IQSEC1: variants seen among roughly 807,000 people sequenced by gnomAD.
IQSEC1 encodes IQ motif and Sec7 domain ArfGEF 1.
Under a neutral mutation model 91.0 loss-of-function variants are expected in IQSEC1, and 31 were observed. The ratio of observed to expected loss-of-function variants is 0.34; its 90% CI spans 0.26 to 0.46. The LOEUF (loss-of-function observed/expected upper bound fraction) is 0.46, where lower values mean the gene tolerates loss of function less well. Among genes scored for constraint, IQSEC1 ranks in the 20% least tolerant of loss-of-function variants. The pLI is 1.00. For missense variants in IQSEC1, 1,388 were observed against 1,575.6 expected (o/e 0.88, Z 2.02); for synonymous variants, 699 against 662.6 (o/e 1.05, Z -0.84).
At chr3:13,245,226 T>C (rs6782291) in intron 1 of IQSEC1, among the ~76,000 whole-genome samples, 3,933 of 152,146 alleles carry the variant, frequency 0.026, 105 homozygotes, top group Middle Eastern at 0.038. Context: ...GAAGCCACGG[T>C]GAGAAGACTT....
At chr3:13,093,400 G>GTT (rs1705901109) in intron 2 of IQSEC1, among the ~76,000 whole-genome samples, 1 of 152,066 alleles carries the variant, frequency 6.6e-6, no homozygotes, top group African/African-American at 2.4e-5. Context: ...GTGATGCAGA[G>GTT]TTTATGTCCT....
Position 12,909,772 on chromosome 3 carries a change from G to A in IQSEC1, c.2417-338C>T, listed in dbSNP as rs912342289. ...ATCTCAGTTCTGGACAGCAGTGAGC[G>A]CCATATTCTCCCGAATGGCCTGTGG... On this transcript the variant is annotated intron_variant, in intron 10 of 13. Transcript: ENST00000613206. The surrounding 1 kb of genome is among the most constrained non-coding windows in gnomAD (Gnocchi z 4.9). Among the ~76,000 whole-genome samples, 8 of 152,224 alleles carry A rather than the reference G, an allele frequency of 5.3e-5. No individual in the cohort carries two copies. The highest frequency in any genetic ancestry group is 6.5e-5 in the Admixed American group (1 of 15,286).
intron 3 of IQSEC1, among the ~76,000 whole-genome samples, chr3:12,932,182 C>A (rs902621832): frequency 3.3e-5 from 5 of 152,152 alleles, no homozygotes; most frequent in Admixed American, 6.5e-5. Context: ...GGTGGGGTTC[C>A]AATGCGGAGG....
intron 1 of IQSEC1, among the ~76,000 whole-genome samples, chr3:13,046,137 C>G (rs1401716377): frequency 6.6e-6 from 1 of 152,216 alleles, no homozygotes; most frequent in Non-Finnish European, 1.5e-5. Flanking sequence ...CCCGGCTCTG[C>G]CCCCGCAGTC....
chr3:13,077,786 CA>C (rs147679817), upstream of IQSEC1, among the ~76,000 whole-genome samples: 1,626 of 152,308 alleles, frequency 0.011, 30 homozygotes, highest in African/African-American at 0.037. Context: ...TGCAGCAAAC[CA>C]AGTATCACTG....
At chr3:13,157,012 CA>C (rs2124972371) in intron 2 of IQSEC1, among the ~76,000 whole-genome samples, 2 of 152,312 alleles carry the variant, frequency 1.3e-5, no homozygotes, top group East Asian at 3.9e-4. Context: ...GAGATAAGGA[CA>C]CTGAGGCTCA....
chr3:12,905,511 C>T (rs770998929), intron 12 of IQSEC1, among the ~76,000 whole-genome samples: 11 of 152,260 alleles, frequency 7.2e-5, no homozygotes, highest in South Asian at 2.1e-4. Flanking sequence ...GCTGGGGAAA[C>T]GGGCCCACAG....
intron 1 of IQSEC1, among the ~76,000 whole-genome samples, chr3:13,187,888 A>G (rs1693960988): frequency 6.6e-6 from 1 of 152,156 alleles, no homozygotes; most frequent in African/African-American, 2.4e-5. Context: ...GCCTCTGTGT[A>G]ACCTCTTTTA....
chr3:12,904,340 C>CA (rs1694726453), intron 12 of IQSEC1, among the ~76,000 whole-genome samples: 1 of 152,218 alleles, frequency 6.6e-6, no homozygotes, highest in South Asian at 2.1e-4. Context: ...ACGTGGCCCT[C>CA]AGAGACCACT....
At chr3:12,949,109 A>G (rs972162881) in intron 1 of IQSEC1, among the ~76,000 whole-genome samples, 29 of 152,198 alleles carry the variant, frequency 1.9e-4, no homozygotes, top group Non-Finnish European at 8.8e-5. Context: ...CAGGGATGGA[A>G]GAGTTGAGTC....
At chr3:13,150,673 C>G (rs1028524111) in intron 2 of IQSEC1, among the ~76,000 whole-genome samples, 1 of 152,186 alleles carries the variant, frequency 6.6e-6, no homozygotes. Context: ...TGCATTCGAT[C>G]TCCTCACAAG....
chr3:13,069,214 G>A (rs976913597), intron 1 of IQSEC1, among the ~76,000 whole-genome samples: 1 of 152,030 alleles, frequency 6.6e-6, no homozygotes, highest in Non-Finnish European at 1.5e-5. Context: ...CATCACACGT[G>A]CTTGAGTGAA....
chr3:13,131,399 T>A (rs1031253576), intron 2 of IQSEC1, among the ~76,000 whole-genome samples: 2 of 148,820 alleles, frequency 1.3e-5, no homozygotes, highest in Admixed American at 1.3e-4. Context: ...AAATCTAACC[T>A]AAAGGTCACT....
intron 2 of IQSEC1, among the ~76,000 whole-genome samples, chr3:12,938,744 C>T (rs985270599): frequency 8.5e-5 from 13 of 152,146 alleles, no homozygotes; most frequent in Admixed American, 5.2e-4. Flanking sequence ...TAGAGCTCCC[C>T]GCAGGGCCTT....
rs753035545 is a variant in IQSEC1, at chr3:13,008,123, G to A, written c.23+64869C>T. ...AGTGTCTGTACCTGAAGATGAAACGGGGTTACTTAGGTACTTCTTGGCAGT... is the reference window on the plus strand; with the variant it reads ...AGTGTCTGTACCTGAAGATGAAACGAGGTTACTTAGGTACTTCTTGGCAGT... On this transcript the variant is annotated intron_variant, in intron 1 of 13. Transcript: ENST00000613206. This position sits in a 1 kb window ranked among gnomAD's most constrained non-coding sequence, Gnocchi z 4.1. 7.2e-5 allele frequency among the ~76,000 whole-genome samples: 11 copies of A among 152,126 alleles called. No individual in the cohort carries two copies. Among genetic ancestry groups the A allele is most frequent in the Non-Finnish European group, 1.2e-4 (8 of 68,026 alleles).
At chr3:13,139,457 T>C (rs572016313) in intron 2 of IQSEC1, among the ~76,000 whole-genome samples, 2 of 152,298 alleles carry the variant, frequency 1.3e-5, no homozygotes, top group Non-Finnish European at 2.9e-5. Context: ...GTGGACACAC[T>C]TCCCTCCCTA....
intron 12 of IQSEC1, among the ~76,000 whole-genome samples, chr3:12,904,852 G>A (rs566059652): frequency 8.5e-5 from 13 of 152,346 alleles, no homozygotes; most frequent in Middle Eastern, 3.4e-3. Context: ...GCTGGGGTTG[G>A]GGGTCCACAT....
chr3:13,079,691 T>C (rs987628052), intron 2 of IQSEC1, among the ~76,000 whole-genome samples: 2 of 152,210 alleles, frequency 1.3e-5, no homozygotes, highest in Non-Finnish European at 2.9e-5. Flanking sequence ...CAGCCACACC[T>C]GAAACCTGGA....
At chr3:12,993,909 C>T (rs1394193627) in intron 1 of IQSEC1, among the ~76,000 whole-genome samples, 1 of 152,128 alleles carries the variant, frequency 6.6e-6, no homozygotes, top group Non-Finnish European at 1.5e-5. Context: ...TCCCCGCGCG[C>T]CCCAGGTTCC....
Sources: gnomAD v4.1 joint callset for allele counts (sites outside exome capture counted in the v4.1 genomes callset) on GRCh38, gnomAD v4.1.1 for gene constraint, Gnocchi (gnomAD v3.1) non-coding constraint, MANE v1.5 for transcripts, NCBI Gene and HGNC (gene_info 2026-07-23, HGNC 2026-07-21) for gene names.